The following WSB1 variants were observed in gnomAD, a reference collection of about 807,000 sequenced individuals.
WSB1 encodes WD repeat and SOCS box containing 1, also known as WD repeat and SOCS box-containing protein 1.
WSB1 carries 23 observed loss-of-function variants against 50.2 expected under a neutral mutation model. The ratio of observed to expected loss-of-function variants is 0.46; its 90% CI spans 0.33 to 0.65. The LOEUF (loss-of-function observed/expected upper bound fraction) is 0.65. WSB1 is among the 30% of genes least tolerant of loss of function. WSB1 has a pLI of 0.02. For missense variants in WSB1, 492 were observed against 522.3 expected (o/e 0.94, Z 0.56); for synonymous variants, 179 against 172.0 (o/e 1.04, Z -0.32).
intron 1 of WSB1, among the ~76,000 whole-genome samples, chr17:27,294,690 C>G (rs1482196753): frequency 6.6e-6 from 1 of 152,184 alleles, no homozygotes; most frequent in Non-Finnish European, 1.5e-5. Context: ...CCGGTTTCTT[C>G]GTCGGAGGTC....
rs779961243 is a variant in WSB1 at position 27,301,818 on chromosome 17, C to T, written c.71C>T (p.Ala24Val). ...TTACGTACTATAGGTGAACTTTTAG[C>T]TCCTGCAGCTCCTTTTGACAAGAAA... ...VRLRTIGELL[A>V]PAAPFDKKCG... The change falls in exon 2 of 9, where the codon GCT becomes GTT. Residue 24 changes from alanine (A) to valine (V), a missense_variant. Transcript: ENST00000262394. 4 of 1,613,984 alleles carry T rather than the reference C, an allele frequency of 2.5e-6. No homozygotes were observed. The highest frequency in any genetic ancestry group is 1.6e-4 in the Middle Eastern group (1 of 6,084).
intron 4 of WSB1, 116 bp downstream of exon 4, chr17:27,305,027 T>C: frequency 7.4e-7 from 1 of 1,342,452 alleles, no homozygotes; most frequent in South Asian, 1.4e-5. Context: ...AAAGTTCCTT[T>C]TCTCTGCCTT....
At chr17:27,304,304 C>T (rs1348524290) in intron 3 of WSB1, among the ~76,000 whole-genome samples, 1 of 151,924 alleles carries the variant, frequency 6.6e-6, no homozygotes, top group Non-Finnish European at 1.5e-5. Flanking sequence ...TAGTTAAATA[C>T]ATTTTTTTTC....
intron 6 of WSB1, 107 bp downstream of exon 6, chr17:27,309,379 A>G (rs1036658841): frequency 2.0e-6 from 2 of 1,003,792 alleles, no homozygotes; most frequent in Non-Finnish European, 2.8e-6. Context: ...AGTCTATTCT[A>G]ATTTAAAATG....
At position 27,312,637 on chromosome 17, in the gene WSB1, G is replaced by C. The variant is rs1597773385; in HGVS notation, c.*268G>C. 1 of 341,500 alleles carries C rather than the reference G, an allele frequency of 2.9e-6. No individual in the cohort carries two copies. Among genetic ancestry groups the C allele is most frequent in the East Asian group, 6.8e-5 (1 of 14,808 alleles). The allele number at this position is 341,500 out of a possible 1,614,324, so 21.2% of individuals were successfully genotyped here. A position where few individuals can be genotyped will look rare whatever the true frequency, so the allele number is the denominator to read the frequency against. On this transcript the variant is annotated 3_prime_UTR_variant, in exon 9 of 9. Coordinates refer to ENST00000262394, the MANE Select transcript of WSB1 (RefSeq NM_015626.10). ...CATATTTAGATATAAGCTGCTATAT[G>C]TTGAATGGACCCTTTTGCTTTTCTG...
At chr17:27,295,659 C>T (rs1023514951) in intron 1 of WSB1, among the ~76,000 whole-genome samples, 7 of 152,112 alleles carry the variant, frequency 4.6e-5, no homozygotes, top group African/African-American at 1.7e-4. Flanking sequence ...TATTTTAAGA[C>T]TAGAAAGTAT....
intron 1 of WSB1, among the ~76,000 whole-genome samples, chr17:27,300,025 A>T (rs1248509384): frequency 6.6e-6 from 1 of 152,184 alleles, no homozygotes; most frequent in Non-Finnish European, 1.5e-5. Flanking sequence ...GGCAGATAAC[A>T]TATTTAAATC....
At position 27,294,130 on chromosome 17, in the gene WSB1, T is replaced by A; in HGVS notation, c.-266T>A. 1 of 308,412 alleles carries A rather than the reference T, an allele frequency of 3.2e-6. No homozygotes were observed. The highest frequency in any genetic ancestry group is 5.1e-5 in the East Asian group (1 of 19,532). 19.1% of individuals were successfully genotyped at this position (308,412 alleles called of 1,614,324 possible). On this transcript the variant is annotated 5_prime_UTR_variant, in exon 1 of 9. Coordinates refer to ENST00000262394, the MANE Select transcript of WSB1 (RefSeq NM_015626.10). ...TTTGACTCCAGTGTCTCGTTTGCAG[T>A]CGGCGCTTTAGGGGAACTGTCTTCC...
At chr17:27,294,522 G>A (rs974622570) in intron 1 of WSB1, 87 bp downstream of exon 1, 18 of 1,567,892 alleles carry the variant, frequency 1.1e-5, no homozygotes, top group African/African-American at 2.7e-5. Flanking sequence ...GCGACTCCAA[G>A]TCTGAGGGAA....
intron 1 of WSB1, among the ~76,000 whole-genome samples, chr17:27,295,947 C>T (rs182061795): frequency 9.8e-4 from 149 of 152,088 alleles, no homozygotes; most frequent in African/African-American, 3.3e-3. Context: ...AAGCGATTCT[C>T]CTCCCTCAGC....
Position 27,296,149 on chromosome 17 carries a change from TAAGAGATGGA to T in WSB1, c.40+1715_40+1724del, listed in dbSNP as rs2016967040. On this transcript the variant is annotated intron_variant, in intron 1 of 8. Transcript: ENST00000262394. ...CGCCCAGATTTCCGGTTTTGTTTTC[TAAGAGATGGA>T]TAGAGATGGATAGCATACCTACATA... Among the ~76,000 whole-genome samples the T allele has an allele frequency of 2.0e-5, 3 of 152,238 alleles. No homozygotes were observed. In the East Asian group the frequency reaches 5.8e-4, roughly 29 times the overall value.
intron 1 of WSB1, among the ~76,000 whole-genome samples, chr17:27,298,592 C>T (rs963198109): frequency 2.6e-5 from 4 of 151,980 alleles, no homozygotes; most frequent in Admixed American, 6.6e-5. Context: ...GTGGCTCACA[C>T]CTCTAATCTG....
At chr17:27,310,343 A>G (rs1025441708) in intron 7 of WSB1, among the ~76,000 whole-genome samples, 169 bp downstream of exon 7, 22 of 152,240 alleles carry the variant, frequency 1.4e-4, no homozygotes, top group African/African-American at 4.8e-4. Context: ...TGTGTAAACT[A>G]AAGATAATGC....
chr17:27,310,351 T>C (rs796368520), intron 7 of WSB1, among the ~76,000 whole-genome samples, 177 bp downstream of exon 7: 92 of 152,356 alleles, frequency 6.0e-4, no homozygotes, highest in African/African-American at 2.1e-3. Context: ...CTAAAGATAA[T>C]GCATGCCTCT....
At chr17:27,309,558 G>A (rs1482597333) in intron 6 of WSB1, among the ~76,000 whole-genome samples, 2 of 151,848 alleles carry the variant, frequency 1.3e-5, no homozygotes, top group Non-Finnish European at 2.9e-5. Flanking sequence ...ACCAAAGTTG[G>A]ACTTAATCTT....
chr17:27,298,599 T>C (rs1025886948), intron 1 of WSB1, among the ~76,000 whole-genome samples: 9 of 152,034 alleles, frequency 5.9e-5, no homozygotes, highest in African/African-American at 2.2e-4. Flanking sequence ...ACACCTCTAA[T>C]CTGAGCACTT....
rs754763917 is a variant in WSB1 at position 27,312,297 on chromosome 17, G to A, written c.1194G>A (p.Val398=). The A allele has an allele frequency of 6.2e-7, 1 of 1,614,192 alleles. No homozygotes were observed. Among genetic ancestry groups the A allele is most frequent in the Non-Finnish European group, 8.5e-7 (1 of 1,180,040 alleles). ...QHLCRMSIRR[V]MPTQEVQELP... ...TATGTCGCATGTCAATCCGAAGAGT[G>A]ATGCCCACCCAAGAAGTTCAGGAGC... is the stretch of plus-strand genomic sequence containing the variant. Residue 398 remains valine, a synonymous_variant, in exon 9 of 9, where the codon GTG becomes GTA. Coordinates refer to ENST00000262394, the MANE Select transcript of WSB1 (RefSeq NM_015626.10).
At chr17:27,300,561 A>T (rs2017182391) in intron 1 of WSB1, among the ~76,000 whole-genome samples, 1 of 152,230 alleles carries the variant, frequency 6.6e-6, no homozygotes, top group South Asian at 2.1e-4. Context: ...CTGAATTTAA[A>T]ATATATGACA....
chr17:27,305,985 T>C (rs2017434694), intron 4 of WSB1, among the ~76,000 whole-genome samples: 1 of 152,168 alleles, frequency 6.6e-6, no homozygotes, highest in Non-Finnish European at 1.5e-5. Flanking sequence ...CTGGCATGCG[T>C]AGGCACTCAG....
Sources: allele counts gnomAD v4.1 joint callset (sites outside exome capture counted in the v4.1 genomes callset), GRCh38; gene constraint gnomAD v4.1.1; transcripts MANE v1.5; gene names NCBI Gene and HGNC (gene_info 2026-07-23, HGNC 2026-07-21).